The following NEDD4 variants were observed in gnomAD, a reference collection of about 807,000 sequenced individuals.
NEDD4 encodes the protein NEDD4 E3 ubiquitin protein ligase.
A neutral mutation model predicts 144.9 loss-of-function variants in NEDD4; 99 were observed. That is an observed-to-expected ratio of 0.68 (90% confidence interval 0.58 to 0.81). NEDD4 has a LOEUF of 0.81. Among genes scored for constraint, NEDD4 ranks in the 30% least tolerant of loss-of-function variants. The pLI is 0.00. For missense variants in NEDD4, 985 were observed against 1,065.9 expected (o/e 0.92, Z 1.06); for synonymous variants, 318 against 350.6 (o/e 0.91, Z 1.04).
In NEDD4 at chr15:55,840,466, A is replaced by T; in HGVS notation, c.2012T>A (p.Leu671His). 6.2e-7 allele frequency: 1 copy of T among 1,613,754 alleles called. No homozygotes were observed. The highest frequency in any genetic ancestry group is 1.1e-5 in the South Asian group (1 of 90,958). Residue 671 changes from leucine (L) to histidine (H), a missense_variant, in exon 21 of 29, where the codon CTT becomes CAT. Physicochemically the swap from Leu to His is moderately conservative, Grantham distance 99 (BLOSUM62 -3). Transcript: ENST00000435532. ...ACATACCACAGATTCCATATCATGA[A>T]GGGTTATTGGTTTGTGAAGCATCAT... ...YKMMLHKPIT[L>H]HDMESVDSEY... is the part of the protein sequence containing the mutation.
chr15:55,934,109 C>T (rs2036836795), intron 4 of NEDD4, among the ~76,000 whole-genome samples: 1 of 152,072 alleles, frequency 6.6e-6, no homozygotes. Flanking sequence ...GCCGAAATTG[C>T]GCCACTGCAC....
At chr15:55,905,227 T>C (rs1261828061) in intron 5 of NEDD4, 3 of 453,702 alleles carry the variant, frequency 6.6e-6, no homozygotes, top group Admixed American at 2.4e-5. Context: ...ATTCACTCAG[T>C]TGCAGAACTT....
At chr15:55,937,186 T>C (rs2036910366) in intron 4 of NEDD4, among the ~76,000 whole-genome samples, 1 of 152,230 alleles carries the variant, frequency 6.6e-6, no homozygotes, top group South Asian at 2.1e-4. Context: ...AACTTCATGT[T>C]TTCTCAAAGA....
intron 5 of NEDD4, among the ~76,000 whole-genome samples, chr15:55,885,435 T>C (rs1469498010): frequency 6.6e-6 from 1 of 152,160 alleles, no homozygotes; most frequent in Non-Finnish European, 1.5e-5. Context: ...GTGTGCTAAC[T>C]ACTCATATGT....
chr15:55,850,027 C>T (rs1483856247), intron 14 of NEDD4, among the ~76,000 whole-genome samples: 3 of 151,972 alleles, frequency 2.0e-5, no homozygotes, highest in African/African-American at 7.3e-5. Flanking sequence ...TCTCCATCTC[C>T]TGACCTCGTG....
chr15:55,890,912 T>C (rs1436940209), intron 5 of NEDD4, among the ~76,000 whole-genome samples: 2 of 152,216 alleles, frequency 1.3e-5, no homozygotes, highest in African/African-American at 4.8e-5. Context: ...TCTTTTCATG[T>C]GCTTATTGTG....
chr15:55,840,361 C>T, intron 21 of NEDD4, 86 bp downstream of exon 21: 1 of 1,130,048 alleles, frequency 8.8e-7, no homozygotes, highest in Non-Finnish European at 1.3e-6. Context: ...ATATTAATTT[C>T]CATGTCATTA....
At chr15:55,942,732 T>C (rs1456579061) in intron 4 of NEDD4, among the ~76,000 whole-genome samples, 1 of 152,146 alleles carries the variant, frequency 6.6e-6, no homozygotes, top group Non-Finnish European at 1.5e-5. Flanking sequence ...AAATTGGTAA[T>C]GGGAAGTCAG....
intron 1 of NEDD4, among the ~76,000 whole-genome samples, chr15:55,981,983 C>T (rs1352008239): frequency 6.6e-6 from 1 of 152,218 alleles, no homozygotes; most frequent in Non-Finnish European, 1.5e-5. Flanking sequence ...CATCTTATCA[C>T]TACTTTTAAG....
At chr15:55,970,677 G>C (rs1395791341) in intron 1 of NEDD4, among the ~76,000 whole-genome samples, 2 of 152,348 alleles carry the variant, frequency 1.3e-5, no homozygotes, top group East Asian at 1.9e-4. Context: ...CCCAAGACCA[G>C]CAAGTTGGTG....
intron 2 of NEDD4, among the ~76,000 whole-genome samples, chr15:55,959,420 A>G (rs1461335736): frequency 6.6e-6 from 1 of 152,202 alleles, no homozygotes; most frequent in Non-Finnish European, 1.5e-5. Flanking sequence ...GGACCCACAC[A>G]TGGTCTATCT....
intron 11 of NEDD4, among the ~76,000 whole-genome samples, chr15:55,857,441 G>A (rs1213644021): frequency 6.6e-6 from 1 of 152,038 alleles, no homozygotes; most frequent in East Asian, 1.9e-4. Flanking sequence ...CAATTCTCTT[G>A]CCTCAGCCTA....
At chr15:55,951,661 T>A (rs2142302008) in intron 2 of NEDD4, 72 bp from the exon 3 acceptor site, 10 of 1,122,910 alleles carry the variant, frequency 8.9e-6, no homozygotes, top group Non-Finnish European at 1.2e-5. Flanking sequence ...TTACCCAGAC[T>A]ATAAAATTCA....
In NEDD4 at chr15:55,839,416, G is replaced by A. The variant is rs527868771; in HGVS notation, c.2032-812C>T. Among the ~76,000 whole-genome samples, 6 of 152,192 alleles carry A rather than the reference G, an allele frequency of 3.9e-5. No homozygotes were observed. The South Asian group carries it at 1.0e-3, about 26-fold the overall frequency. On this transcript the variant is annotated intron_variant, in intron 21 of 28. Coordinates refer to ENST00000435532, the MANE Select transcript of NEDD4 (RefSeq NM_006154.4). ...GAAAAATCTCTTAATAAATATAGAG[G>A]CTCAATGAACCAACTCAAGTAACTG... is the stretch of plus-strand genomic sequence containing the variant.
intron 4 of NEDD4, among the ~76,000 whole-genome samples, chr15:55,946,749 A>T (rs2037122981): frequency 6.6e-6 from 1 of 152,212 alleles, no homozygotes; most frequent in African/African-American, 2.4e-5. Flanking sequence ...TTGACCACAT[A>T]GTTGGAAGTA....
At chr15:55,856,227 C>T in intron 11 of NEDD4, 31 bp from the exon 12 acceptor site, 2 of 1,596,248 alleles carry the variant, frequency 1.3e-6, no homozygotes, top group East Asian at 2.2e-5. Flanking sequence ...CAGAAGAATA[C>T]CTTGATATTT....
At chr15:55,993,233 A>G (rs992023731) in intron 1 of NEDD4, among the ~76,000 whole-genome samples, 1 of 152,126 alleles carries the variant, frequency 6.6e-6, no homozygotes, top group African/African-American at 2.4e-5. Context: ...CCCCCTCCTC[A>G]ACACTTCCTG....
At chr15:55,898,940 C>G (rs1048668646) in intron 5 of NEDD4, among the ~76,000 whole-genome samples, 1 of 152,082 alleles carries the variant, frequency 6.6e-6, no homozygotes, top group Admixed American at 6.6e-5. Context: ...TGTACCTGGC[C>G]AAGAAAAGAC....
At chr15:55,987,022 T>G (rs1347029820) in intron 1 of NEDD4, among the ~76,000 whole-genome samples, 2 of 148,486 alleles carry the variant, frequency 1.3e-5, no homozygotes, top group Non-Finnish European at 3.0e-5. Flanking sequence ...GTATTTCTAG[T>G]TCTAGATCCC....
Sources: allele counts gnomAD v4.1 joint callset (sites outside exome capture counted in the v4.1 genomes callset), GRCh38; gene constraint gnomAD v4.1.1; transcripts MANE v1.5; gene names NCBI Gene and HGNC (gene_info 2026-07-23, HGNC 2026-07-21).